The following DCLK1 variants were observed in gnomAD, a reference collection of about 807,000 sequenced individuals.
DCLK1 encodes the protein doublecortin like kinase 1.
A neutral mutation model predicts 86.2 loss-of-function variants in DCLK1; 16 were observed. That is an observed-to-expected ratio of 0.19 (90% CI 0.13 to 0.28). The LOEUF (loss-of-function observed/expected upper bound fraction) is 0.28. Ranked by LOEUF, DCLK1 falls within the 10% of genes least tolerant of loss-of-function variation. The probability of loss-of-function intolerance (pLI) is 1.00; values close to 1 mark genes in which losing one functional copy is unlikely to be tolerated. For synonymous variants in DCLK1, 369 were observed against 370.5 expected (o/e 1.00, Z 0.05); for missense variants, 590 against 940.2 (o/e 0.63, Z 4.87).
At chr13:35,877,955 T>C (rs1402478345) in intron 4 of DCLK1, among the ~76,000 whole-genome samples, 1 of 152,230 alleles carries the variant, frequency 6.6e-6, no homozygotes, top group Non-Finnish European at 1.5e-5. Context: ...ACATGTTCAC[T>C]TCCCTCCCCT....
At chr13:36,092,483 C>CTTTT (rs71084405) in intron 3 of DCLK1, among the ~76,000 whole-genome samples, 7 of 84,944 alleles carry the variant, frequency 8.2e-5, no homozygotes, top group Non-Finnish European at 1.2e-4. Context: ...GAGGCGTTTT[C>CTTTT]TTTTTTTTTT....
intron 3 of DCLK1, among the ~76,000 whole-genome samples, chr13:35,978,558 T>C (rs1291584516): frequency 6.6e-6 from 1 of 152,160 alleles, no homozygotes; most frequent in Non-Finnish European, 1.5e-5. Context: ...TCTTATAATA[T>C]TCTTTCCATT....
intron 3 of DCLK1, among the ~76,000 whole-genome samples, chr13:36,013,885 G>A (rs1481328774): frequency 2.0e-5 from 3 of 152,206 alleles, no homozygotes; most frequent in Non-Finnish European, 4.4e-5. Flanking sequence ...GCGAGATTCC[G>A]TGGGCTTAGG....
chr13:36,061,861 C>A (rs911531849), intron 3 of DCLK1, among the ~76,000 whole-genome samples: 2 of 152,146 alleles, frequency 1.3e-5, no homozygotes, highest in African/African-American at 4.8e-5. Flanking sequence ...TAAATCACAG[C>A]ATGGTACATT....
At chr13:35,870,311 G>C (rs1872174670) in intron 5 of DCLK1, among the ~76,000 whole-genome samples, 1 of 152,204 alleles carries the variant, frequency 6.6e-6, no homozygotes, top group Admixed American at 6.5e-5. Context: ...GAATCAAGGA[G>C]GGCTGGGTGG....
intron 3 of DCLK1, among the ~76,000 whole-genome samples, chr13:36,075,510 C>T (rs1431682117): frequency 6.6e-6 from 1 of 152,006 alleles, no homozygotes; most frequent in Non-Finnish European, 1.5e-5. Flanking sequence ...GGCTCCCAGA[C>T]AATTTAAAAA....
intron 4 of DCLK1, among the ~76,000 whole-genome samples, chr13:35,933,319 C>T (rs1222469070): frequency 6.6e-6 from 1 of 152,168 alleles, no homozygotes; most frequent in Non-Finnish European, 1.5e-5. Flanking sequence ...GCAGATCTAC[C>T]ACCATTCTGG....
chr13:35,999,297 A>G (rs911505478), intron 3 of DCLK1, among the ~76,000 whole-genome samples: 4 of 152,004 alleles, frequency 2.6e-5, no homozygotes, highest in African/African-American at 4.8e-5. Context: ...TGCTCCCACA[A>G]TTACACTTTT....
intron 5 of DCLK1, among the ~76,000 whole-genome samples, chr13:35,869,667 T>C (rs1029469474): frequency 1.3e-5 from 2 of 152,244 alleles, no homozygotes; most frequent in African/African-American, 2.4e-5. Context: ...AAAGTGTGCA[T>C]TGGAATCAGC....
intron 15 of DCLK1, among the ~76,000 whole-genome samples, chr13:35,797,853 A>T (rs1430412275): frequency 6.6e-6 from 1 of 152,208 alleles, no homozygotes; most frequent in Non-Finnish European, 1.5e-5. Flanking sequence ...CAATAAAATA[A>T]ATAGGGACGT....
At chr13:36,022,964 A>G (rs898354813) in intron 3 of DCLK1, among the ~76,000 whole-genome samples, 1 of 152,220 alleles carries the variant, frequency 6.6e-6, no homozygotes, top group Non-Finnish European at 1.5e-5. Context: ...ACTACAGGCA[A>G]ATATCCCTTG....
chr13:36,094,482 C>G (rs917116299), intron 3 of DCLK1, among the ~76,000 whole-genome samples: 2 of 152,170 alleles, frequency 1.3e-5, no homozygotes, highest in Admixed American at 6.5e-5. Context: ...CGTTATTAAA[C>G]CAACTCAGAA....
At chr13:35,806,702 C>G (rs918632508) in intron 14 of DCLK1, among the ~76,000 whole-genome samples, 1 of 152,164 alleles carries the variant, frequency 6.6e-6, no homozygotes, top group South Asian at 2.1e-4. Flanking sequence ...GTGTGTGATG[C>G]CCTTTGCAGG....
Position 35,826,804 on chromosome 13 carries a change from C to T in DCLK1, c.1407+831G>A, listed in dbSNP as rs187401904. Among the ~76,000 whole-genome samples, 447 of 151,960 alleles carry T rather than the reference C, an allele frequency of 2.9e-3. 7 individuals are homozygous for T. Among genetic ancestry groups the T allele is most frequent in the Middle Eastern group, 0.01 (3 of 294 alleles). On this transcript the variant is annotated intron_variant, in intron 10 of 16. Coordinates refer to ENST00000360631, the MANE Select transcript of DCLK1 (RefSeq NM_001330071.2). ...AGCAGTGTAGGGATTCCAAACATGC[C>T]CTGGGAGCCTGAGGCGCCCCCTGGC... is the stretch of plus-strand genomic sequence containing the variant.
intron 4 of DCLK1, among the ~76,000 whole-genome samples, chr13:35,946,028 T>TG (rs1877364185): frequency 6.6e-6 from 1 of 152,198 alleles, no homozygotes; most frequent in African/African-American, 2.4e-5. Context: ...GTCATTTTTT[T>TG]GGGGGACAGG....
intron 3 of DCLK1, among the ~76,000 whole-genome samples, chr13:36,032,778 T>G (rs1444106963): frequency 2.6e-5 from 4 of 152,214 alleles, no homozygotes; most frequent in Non-Finnish European, 5.9e-5. Context: ...AAAGGTTCTT[T>G]TGGTGTCTTC....
chr13:35,873,190 C>T (rs1333726505), intron 4 of DCLK1, among the ~76,000 whole-genome samples: 4 of 151,680 alleles, frequency 2.6e-5, no homozygotes, highest in Non-Finnish European at 5.9e-5. Context: ...CCCAGCTACT[C>T]GGGAGGCTAA....
At chr13:36,093,345 T>C (rs1211945920) in intron 3 of DCLK1, among the ~76,000 whole-genome samples, 2 of 152,314 alleles carry the variant, frequency 1.3e-5, no homozygotes, top group South Asian at 2.1e-4. Context: ...CATTCAGTAC[T>C]ACCAGGTCTT....
At chr13:35,911,186 T>C (rs1875007173) in intron 4 of DCLK1, among the ~76,000 whole-genome samples, 3 of 150,008 alleles carry the variant, frequency 2.0e-5, no homozygotes, top group South Asian at 4.3e-4. Flanking sequence ...CCAAGCTACT[T>C]GGGAGGTTGA....
Sources: allele counts gnomAD v4.1 joint callset (sites outside exome capture counted in the v4.1 genomes callset), GRCh38; gene constraint gnomAD v4.1.1; transcripts MANE v1.5; gene names NCBI Gene and HGNC (gene_info 2026-07-23, HGNC 2026-07-21).